RAB36: variants seen among roughly 807,000 people sequenced by gnomAD.
RAB36 encodes RAB36, member RAS oncogene family, also known as ras-related protein Rab-36.
RAB36 carries 33 observed loss-of-function variants against 39.3 expected under a neutral mutation model. The ratio of observed to expected loss-of-function variants is 0.84; its 90% CI spans 0.64 to 1.12. RAB36 has a LOEUF of 1.12. Among genes scored for constraint, RAB36 ranks in the 50% most tolerant of loss-of-function variants. The probability of loss-of-function intolerance (pLI) is 0.00; values close to 1 mark genes in which losing one functional copy is unlikely to be tolerated. For synonymous variants in RAB36, 133 were observed against 140.2 expected (o/e 0.95, Z 0.36); for missense variants, 308 against 355.3 (o/e 0.87, Z 1.07).
intron 2 of RAB36, among the ~76,000 whole-genome samples, chr22:23,148,418 C>T (rs986254179): frequency 7.2e-5 from 11 of 152,106 alleles, no homozygotes; most frequent in Non-Finnish European, 1.2e-4. Flanking sequence ...GAGCAGACGG[C>T]GAGGATCAGA....
At chr22:23,153,692 C>CAT in intron 5 of RAB36, 4 of 273,152 alleles carry the variant, frequency 1.5e-5, no homozygotes, top group Non-Finnish European at 1.8e-5. Context: ...CCACTTCTGT[C>CAT]TTTTTTTTTT....
At chr22:23,149,962 A>C in intron 2 of RAB36, 101 bp from the exon 3 acceptor site, 1 of 918,220 alleles carries the variant, frequency 1.1e-6, no homozygotes, top group Non-Finnish European at 1.7e-6. Context: ...TGTGAGGCCT[A>C]GGAAGGAAGG....
intron 5 of RAB36, 42 bp from the exon 6 acceptor site, chr22:23,155,919 GATTGTGT>G (rs1367432800): frequency 6.5e-7 from 1 of 1,537,488 alleles, no homozygotes; most frequent in Admixed American, 1.9e-5. Flanking sequence ...AAGACACTGT[GATTGTGT>G]AGCCTGACAC....
At chr22:23,150,239 C>A (rs2071031133) in intron 3 of RAB36, 85 bp downstream of exon 3, 3 of 1,089,594 alleles carry the variant, frequency 2.8e-6, no homozygotes, top group Non-Finnish European at 2.7e-6. Flanking sequence ...ACAAATGAAA[C>A]ACACACACGA....
chr22:23,158,187 C>G lies in RAB36; in HGVS notation c.446+144C>G. ...CTTGTCAGAACCAGCTGCCCACGGA[C>G]TACTTACTGTCCAACTGCCTTTATC... is the stretch of plus-strand genomic sequence containing the variant. On this transcript the variant is annotated intron_variant, in intron 7 of 10. Coordinates refer to ENST00000263116, the MANE Select transcript of RAB36 (RefSeq NM_004914.5). 2.7e-6 allele frequency: 4 copies of G among 1,492,264 alleles called. No homozygotes were observed. In the South Asian group the frequency reaches 5.4e-5, roughly 20 times the overall value. 92.4% of individuals were successfully genotyped at this position (1,492,264 alleles called of 1,614,324 possible).
chr22:23,145,584 C>T lies in RAB36; in HGVS notation c.-13+33C>T, dbSNP rs573095721. ...AGCTCGCCCACTCTGTCCGACCCTC[C>T]CGGTCACCCAACCCCGTGCTGGCAC... On this transcript the variant is annotated intron_variant, in intron 1 of 10. Transcript: ENST00000263116. The T allele has an allele frequency of 2.5e-6, 4 of 1,581,668 alleles. No individual in the cohort carries two copies. The African/African-American group carries it at 5.4e-5, about 21-fold the overall frequency.
intron 9 of RAB36, 37 bp downstream of exon 9, chr22:23,159,290 GC>G (rs1460216771): frequency 6.5e-7 from 1 of 1,542,648 alleles, no homozygotes; most frequent in Admixed American, 2.0e-5. Context: ...GTGGGGCAGA[GC>G]CCTGCTCTTG....
Position 23,146,391 on chromosome 22 carries a change from T to TC in RAB36, c.-12-214_-12-213insC, listed in dbSNP as rs397974258. On this transcript the variant is annotated intron_variant, in intron 1 of 10. Transcript: ENST00000263116. The stretch of plus-strand genomic sequence containing the variant: ...CCTGCTAATTTTTTTGGTTTTTTTT[T>TC]GTAGAGACTGAGGTTTCACTTTGTT... 3.4e-4 allele frequency among the ~76,000 whole-genome samples: 51 copies of TC among 151,868 alleles called. No individual in the cohort carries two copies. In the South Asian group the frequency reaches 6.7e-3, roughly 20 times the overall value.
At position 23,161,595 on chromosome 22, in the gene RAB36, T is replaced by C. The variant is rs768995061; in HGVS notation, c.*31T>C. 2.6e-6 allele frequency: 4 copies of C among 1,541,542 alleles called. No homozygotes were observed. The highest frequency in any genetic ancestry group is 3.5e-6 in the Non-Finnish European group (4 of 1,126,994). On this transcript the variant is annotated 3_prime_UTR_variant, in exon 11 of 11. Coordinates refer to ENST00000263116, the MANE Select transcript of RAB36 (RefSeq NM_004914.5). ...GCCTGCGTGGAAGGCCTCCGCTCCC[T>C]GCACACACACGGACAGGAATTTCCG... is the stretch of plus-strand genomic sequence containing the variant.
At chr22:23,161,124 CTCCTCTCAGGGTG>C in intron 10 of RAB36, 126 bp downstream of exon 10, 1 of 1,229,932 alleles carries the variant, frequency 8.1e-7, no homozygotes, top group Non-Finnish European at 1.1e-6. Context: ...TCCTTTGACC[CTCCTCTCAGGGTG>C]TCACTGCAGC....
intron 5 of RAB36, among the ~76,000 whole-genome samples, chr22:23,155,185 T>C (rs1329856904): frequency 3.3e-5 from 5 of 152,314 alleles, no homozygotes; most frequent in African/African-American, 9.6e-5. Context: ...TACTTTGCAG[T>C]TTACTGAGAA....
At chr22:23,149,988 C>A (rs1175703802) in intron 2 of RAB36, 75 bp from the exon 3 acceptor site, 2 of 1,154,144 alleles carry the variant, frequency 1.7e-6, no homozygotes, top group Non-Finnish European at 1.3e-6. Context: ...AAGATCATCT[C>A]CCCTCACTGC....
rs2070709407 is a variant in RAB36 at position 23,145,477 on chromosome 22, G to A, written c.-87G>A. 1 of 1,609,214 alleles carries A rather than the reference G, an allele frequency of 6.2e-7. No individual in the cohort carries two copies. The highest frequency in any genetic ancestry group is 1.3e-5 in the African/African-American group (1 of 75,056). ...AGCCCGCAGGTCCCGCGTGGCTCTC[G>A]TTGCCATGGTGATCGCCGCCGCTGG... On this transcript the variant is annotated 5_prime_UTR_variant, in exon 1 of 11. Coordinates refer to ENST00000263116, the MANE Select transcript of RAB36 (RefSeq NM_004914.5).
Position 23,161,057 on chromosome 22 carries a change from T to C in RAB36, c.739+59T>C, listed in dbSNP as rs763485326. On this transcript the variant is annotated intron_variant, in intron 10 of 10. Transcript: ENST00000263116. Reference sequence around the variant, plus strand: ...GTAGGCTGGAGGCCTAAAATCCACATGCGCCATCCTCGTCACCTGAGGCCT... The same window carrying C: ...GTAGGCTGGAGGCCTAAAATCCACACGCGCCATCCTCGTCACCTGAGGCCT... 3.2e-5 allele frequency: 49 copies of C among 1,540,112 alleles called. 1 individual carries two copies. In the South Asian group the frequency reaches 5.3e-4, roughly 17 times the overall value.
intron 2 of RAB36, among the ~76,000 whole-genome samples, chr22:23,148,202 A>G (rs1178882944): frequency 6.6e-6 from 1 of 152,020 alleles, no homozygotes; most frequent in Non-Finnish European, 1.5e-5. Flanking sequence ...TCACACACCT[A>G]CAGAGAAAGG....
downstream of RAB36, among the ~76,000 whole-genome samples, chr22:23,167,302 C>G (rs2094520321): frequency 6.6e-6 from 1 of 152,214 alleles, no homozygotes; most frequent in Non-Finnish European, 1.5e-5. Context: ...GCTGAGCCTT[C>G]CCCTTCACTG....
intron 6 of RAB36, among the ~76,000 whole-genome samples, chr22:23,156,816 C>G (rs1448334030): frequency 6.6e-6 from 1 of 152,222 alleles, no homozygotes; most frequent in Non-Finnish European, 1.5e-5. Context: ...CTCTTCGGGC[C>G]TCTCCTTGAA....
At chr22:23,159,323 C>G in intron 9 of RAB36, 70 bp downstream of exon 9, 1 of 1,401,052 alleles carries the variant, frequency 7.1e-7, no homozygotes, top group Admixed American at 2.2e-5. Flanking sequence ...TGGGGCCTGC[C>G]ATGCAGTGTT....
Position 23,152,464 on chromosome 22 carries a change from CA to C in RAB36, c.168del (p.Lys56AsnfsTer77). ...QRRNTGTVGLKLSKVVVVGDL... is the reference protein window; with the variant it reads ...QRRNTGTVGLXLSKVVVVGDL... Reference sequence around the variant, plus strand: ...AACACGGCCATATTTCTCACAGGCTCAAACTCTCCAAGGTGGTGGTGGTTGG... The same window carrying C: ...AACACGGCCATATTTCTCACAGGCTCAACTCTCCAAGGTGGTGGTGGTTGG... On this transcript the variant is annotated frameshift_variant, in exon 4 of 11. Transcript: ENST00000263116. LOFTEE classifies it high-confidence loss of function. The C allele has an allele frequency of 6.2e-7, 1 of 1,614,182 alleles. No individual in the cohort carries two copies. The highest frequency in any genetic ancestry group is 8.5e-7 in the Non-Finnish European group (1 of 1,180,026).
Sources: gnomAD v4.1 joint callset for allele counts (sites outside exome capture counted in the v4.1 genomes callset) on GRCh38, gnomAD v4.1.1 for gene constraint, MANE v1.5 for transcripts, NCBI Gene and HGNC (gene_info 2026-07-23, HGNC 2026-07-21) for gene names.